The following IGSF9B variants were observed in gnomAD, a reference collection of about 807,000 sequenced individuals.
The protein encoded by IGSF9B is protein turtle homolog B.
A neutral mutation model predicts 143.7 loss-of-function variants in IGSF9B; 48 were observed. The ratio of observed to expected loss-of-function variants is 0.33; its 90% CI spans 0.26 to 0.42. The LOEUF (loss-of-function observed/expected upper bound fraction) is 0.42, where lower values mean the gene tolerates loss of function less well. Ranked by LOEUF, IGSF9B falls within the 20% of genes least tolerant of loss-of-function variation. The pLI is 1.00. For missense variants in IGSF9B, 1,706 were observed against 1,980.0 expected (o/e 0.86, Z 2.63); for synonymous variants, 903 against 833.1 (o/e 1.08, Z -1.44).
rs763692997 is a variant in IGSF9B, at chr11:133,921,251, C to T, written c.2474G>A (p.Arg825Gln). Residue 825 changes from arginine to glutamine, a missense_variant, in exon 18 of 20, where the codon CGG (arginine) becomes CAG (glutamine). By Grantham distance (43) the Arg-to-Gln change is conservative. This residue lies in a region of IGSF9B where 135 missense variants were observed against 181.3 expected (regional missense o/e 0.74). Coordinates refer to ENST00000533871, the MANE Select transcript of IGSF9B (RefSeq NM_001277285.4). ...GCTGTACTTCTTGCTGCTGATGGCC[C>T]GCTTGGTCTTCTTGTACAGCGACAG... ...KELSLYKKTKRAISSKKYSVA... is the reference protein window; with the variant it reads ...KELSLYKKTKQAISSKKYSVA... The T allele has an allele frequency of 2.9e-5, 46 of 1,610,862 alleles. No homozygotes were observed. Among genetic ancestry groups the T allele is most frequent in the Middle Eastern group, 1.6e-4 (1 of 6,084 alleles).
chr11:133,920,480 G>T lies in IGSF9B; in HGVS notation c.3245C>A (p.Pro1082His). ...PKAGLPRGLP[P>H]TSLQVPAAYP... ...GGCCGCGGGCACCTGCAGGGAGGTG[G>T]GGGGCAGTCCTCGGGGGAGGCCGGC... is the stretch of plus-strand genomic sequence containing the variant. The change falls in exon 18 of 20, where the codon CCC becomes CAC. Residue 1082 changes from proline (P) to histidine (H), a missense_variant. Physicochemically the swap from Pro to His is moderately conservative, Grantham distance 77 (BLOSUM62 -2). Around this residue, in one of 7 missense-constraint regions of IGSF9B, gnomAD observed 880 missense variants for 762.9 expected, o/e 1.15. Coordinates refer to ENST00000533871, the MANE Select transcript of IGSF9B (RefSeq NM_001277285.4). 6.3e-7 allele frequency: 1 copy of T among 1,575,038 alleles called. No homozygotes were observed. Among genetic ancestry groups the T allele is most frequent in the Non-Finnish European group, 8.6e-7 (1 of 1,159,580 alleles).
chr11:133,942,863 G>C (rs1002929041), intron 3 of IGSF9B, among the ~76,000 whole-genome samples: 6 of 152,288 alleles, frequency 3.9e-5, no homozygotes, highest in African/African-American at 1.2e-4. Flanking sequence ...TGATTGACAG[G>C]AGCCAGCCAC....
intron 1 of IGSF9B, among the ~76,000 whole-genome samples, chr11:133,950,290 G>A (rs1007695204): frequency 1.3e-5 from 2 of 152,228 alleles, no homozygotes; most frequent in African/African-American, 2.4e-5. Flanking sequence ...GGTGTGAGGA[G>A]CAGGGCCGGG....
chr11:133,915,367 C>G (rs1043211653), intron 18 of IGSF9B, among the ~76,000 whole-genome samples: 1 of 148,544 alleles, frequency 6.7e-6, no homozygotes, highest in Non-Finnish European at 1.5e-5. Context: ...CTCCCCAGCT[C>G]AGATGATCTT....
At chr11:133,910,645 CAGCT>C in intron 19 of IGSF9B, among the ~76,000 whole-genome samples, 1 of 152,222 alleles carries the variant, frequency 6.6e-6, no homozygotes, top group South Asian at 2.1e-4. Flanking sequence ...AGTGCACGTT[CAGCT>C]GGCAACTGGA....
Position 133,931,340 on chromosome 11 carries a change from T to C in IGSF9B, c.1368+113A>G. Reference sequence around the variant, plus strand: ...CAGAATAGAACTGCTCGCTGGGCCCTCACACCTCCCCTCAGCCCCGGGGCT... The same window carrying C: ...CAGAATAGAACTGCTCGCTGGGCCCCCACACCTCCCCTCAGCCCCGGGGCT... On this transcript the variant is annotated intron_variant, in intron 10 of 19. Coordinates refer to ENST00000533871, the MANE Select transcript of IGSF9B (RefSeq NM_001277285.4). The surrounding 1 kb of genome is among the most constrained non-coding windows in gnomAD (Gnocchi z 7.7). 2 of 873,554 alleles carry C rather than the reference T, an allele frequency of 2.3e-6. No homozygotes were observed. Among genetic ancestry groups the C allele is most frequent in the Non-Finnish European group, 3.6e-6 (2 of 560,930 alleles). The allele number at this position is 873,554 out of a possible 1,614,324, so 54.1% of individuals were successfully genotyped here. A position where few individuals can be genotyped will look rare whatever the true frequency, so the allele number is the denominator to read the frequency against.
chr11:133,933,867 G>C (rs971760112), intron 7 of IGSF9B, among the ~76,000 whole-genome samples: 1 of 152,186 alleles, frequency 6.6e-6, no homozygotes, highest in African/African-American at 2.4e-5. Flanking sequence ...GGAAGGCAGT[G>C]AGGATGAATG....
rs1940036890 is a variant in IGSF9B, at chr11:133,945,811, C to G, written c.262+250G>C. On this transcript the variant is annotated intron_variant, in intron 2 of 19. Coordinates refer to ENST00000533871, the MANE Select transcript of IGSF9B (RefSeq NM_001277285.4). This position sits in a 1 kb window ranked among gnomAD's most constrained non-coding sequence, Gnocchi z 4.6. ...CTCCCACCCAGGCCTCTCCAGCTTC[C>G]CCTTTGGCTCCCAGCCCTCTCCACA... Among the ~76,000 whole-genome samples the G allele has an allele frequency of 6.6e-6, 1 of 152,122 alleles. No homozygotes were observed. Among genetic ancestry groups the G allele is most frequent in the Non-Finnish European group, 1.5e-5 (1 of 68,022 alleles).
In IGSF9B at chr11:133,956,769, A is replaced by C; in HGVS notation, c.-15T>G. The stretch of plus-strand genomic sequence containing the variant: ...TACCAAATCATAGTACTACCGCGCC[A>C]GCCCGGAGCCTCATCCTATCGCAAA... On this transcript the variant is annotated 5_prime_UTR_variant, in exon 1 of 20. Transcript: ENST00000533871. 6.8e-7 allele frequency: 1 copy of C among 1,480,614 alleles called. No homozygotes were observed. The highest frequency in any genetic ancestry group is 1.3e-5 in the South Asian group (1 of 75,914). The allele number at this position is 1,480,614 out of a possible 1,614,324, so 91.7% of individuals were successfully genotyped here.
At chr11:133,933,052 T>C (rs552069603) in intron 7 of IGSF9B, among the ~76,000 whole-genome samples, 1 of 151,960 alleles carries the variant, frequency 6.6e-6, no homozygotes, top group Non-Finnish European at 1.5e-5. Context: ...GGAAGCCAGG[T>C]GAGAATCCAG....
chr11:133,912,374 C>T lies in IGSF9B; in HGVS notation c.3984-367G>A, dbSNP rs189222362. 1.1e-3 allele frequency: 536 copies of T among 472,506 alleles called. 2 individuals are homozygous for T. The highest frequency in any genetic ancestry group is 1.7e-3 in the Non-Finnish European group (396 of 238,232). The allele number at this position is 472,506 out of a possible 1,614,324, so 29.3% of individuals were successfully genotyped here. A position where few individuals can be genotyped will look rare whatever the true frequency, so the allele number is the denominator to read the frequency against. On this transcript the variant is annotated intron_variant, in intron 18 of 19. Transcript: ENST00000533871. ...GAACGTCTGGAGTTCCTAGAAATCA[C>T]CACAATCAAGACCTTTGAATGGAAA...
intron 14 of IGSF9B, among the ~76,000 whole-genome samples, chr11:133,925,485 T>G (rs997899523): frequency 6.6e-6 from 1 of 152,156 alleles, no homozygotes; most frequent in Non-Finnish European, 1.5e-5. Flanking sequence ...CTGCCCAGCT[T>G]GTAGCGGTGC....
rs1385517152 is a variant in IGSF9B, at chr11:133,897,873, C to A, written c.*11196G>T. 1 of 152,124 alleles carries A rather than the reference C, an allele frequency of 6.6e-6. No homozygotes were observed. The highest frequency in any genetic ancestry group is 6.6e-5 in the Admixed American group (1 of 15,260). 9.4% of individuals were successfully genotyped at this position (152,124 alleles called of 1,614,324 possible). On this transcript the variant is annotated 3_prime_UTR_variant, in exon 20 of 20. Coordinates refer to ENST00000533871, the MANE Select transcript of IGSF9B (RefSeq NM_001277285.4). ...TTGAACAAAAGTCAGCCAACCCATACCATAAAGTCAGCTGCCCAAACTCAC... is the reference window on the plus strand; with the variant it reads ...TTGAACAAAAGTCAGCCAACCCATAACATAAAGTCAGCTGCCCAAACTCAC...
In IGSF9B at chr11:133,953,364, C is replaced by G. The variant is rs190305947; in HGVS notation, c.64+3327G>C. On this transcript the variant is annotated intron_variant, in intron 1 of 19. Coordinates refer to ENST00000533871, the MANE Select transcript of IGSF9B (RefSeq NM_001277285.4). This position sits in a 1 kb window ranked among gnomAD's most constrained non-coding sequence, Gnocchi z 4.2. ...TCTCACATCCCCGTCTCCCCAGCTT[C>G]CCACAGGGCACAGGCTGCCAGACAC... Among the ~76,000 whole-genome samples the G allele has an allele frequency of 2.3e-3, 356 of 152,306 alleles. 1 individual carries two copies. Among genetic ancestry groups the G allele is most frequent in the Admixed American group, 5.0e-3 (77 of 15,306 alleles).
chr11:133,906,746 T>C lies in IGSF9B; in HGVS notation c.*2323A>G, dbSNP rs1040878127. Among the ~76,000 whole-genome samples, 6 of 152,174 alleles carry C rather than the reference T, an allele frequency of 3.9e-5. No homozygotes were observed. Among genetic ancestry groups the C allele is most frequent in the African/African-American group, 1.2e-4 (5 of 41,444 alleles). ...TCAGAAAAGTAGGCCAAATTCATCC[T>C]GAAGGCTGACAGCCTGATGCCCACA... On this transcript the variant is annotated 3_prime_UTR_variant, in exon 20 of 20. Coordinates refer to ENST00000533871, the MANE Select transcript of IGSF9B (RefSeq NM_001277285.4).
intron 19 of IGSF9B, among the ~76,000 whole-genome samples, chr11:133,910,597 C>T (rs1435738914): frequency 6.6e-6 from 1 of 152,146 alleles, no homozygotes; most frequent in Non-Finnish European, 1.5e-5. Flanking sequence ...TGATCAATAA[C>T]TCTGCTTTAG....
chr11:133,940,182 A>C (rs1443947845), intron 3 of IGSF9B, among the ~76,000 whole-genome samples: 7 of 130,306 alleles, frequency 5.4e-5, no homozygotes, highest in Non-Finnish European at 9.4e-5. Flanking sequence ...CGCACGCGTC[A>C]TCGCACGCAA....
intron 3 of IGSF9B, among the ~76,000 whole-genome samples, chr11:133,939,868 G>A (rs1200711715): frequency 1.3e-5 from 2 of 150,108 alleles, no homozygotes; most frequent in Non-Finnish European, 3.0e-5. Flanking sequence ...CACACACCTC[G>A]CACGTCCTCG....
Position 133,901,960 on chromosome 11 carries a change from A to AC in IGSF9B, c.*7108dup, listed in dbSNP as rs1482315156. ...ACACACACACACATCACACACATGC[A>AC]CACCGCATCACACACATGCACACCA... On this transcript the variant is annotated 3_prime_UTR_variant, in exon 20 of 20. Coordinates refer to ENST00000533871, the MANE Select transcript of IGSF9B (RefSeq NM_001277285.4). Among the ~76,000 whole-genome samples, 8 of 124,598 alleles carry AC rather than the reference A, an allele frequency of 6.4e-5. No individual in the cohort carries two copies. Among genetic ancestry groups the AC allele is most frequent in the African/African-American group, 2.4e-4 (7 of 28,930 alleles). The allele number at this position is 124,598 out of a possible 152,430, so 81.7% of individuals were successfully genotyped here. A position where few individuals can be genotyped will look rare whatever the true frequency, so the allele number is the denominator to read the frequency against.
Sources: allele counts gnomAD v4.1 joint callset (sites outside exome capture counted in the v4.1 genomes callset), GRCh38; gene constraint gnomAD v4.1.1; regional missense constraint gnomAD v4.1.1; non-coding constraint Gnocchi (gnomAD v3.1); transcripts MANE v1.5; gene names NCBI Gene and HGNC (gene_info 2026-07-23, HGNC 2026-07-21).